Variants in TPST1 observed in about 807,000 individuals in gnomAD.
TPST1 encodes the protein tyrosylprotein sulfotransferase 1, also known as protein-tyrosine sulfotransferase 1.
A neutral mutation model predicts 34.8 loss-of-function variants in TPST1; 20 were observed. That is an observed-to-expected ratio of 0.57 (90% CI 0.40 to 0.84). TPST1 has a LOEUF of 0.84. Among genes scored for constraint, TPST1 ranks in the 40% least tolerant of loss-of-function variants. TPST1 has a pLI of 0.00. For synonymous variants in TPST1, 152 were observed against 159.4 expected, an observed-to-expected ratio of 0.95 and a Z score of 0.35; for missense variants, 353 against 455.5, an observed-to-expected ratio of 0.78 and a Z score of 2.05.
chr7:66,215,980 C>T (rs1219468181), intron 1 of TPST1, among the ~76,000 whole-genome samples: 1 of 151,824 alleles, frequency 6.6e-6, no homozygotes, highest in Non-Finnish European at 1.5e-5. Flanking sequence ...ACCGTGTTAG[C>T]CAGGATGGTC....
At chr7:66,306,271 A>G (rs1211759429) in intron 3 of TPST1, among the ~76,000 whole-genome samples, 1 of 152,218 alleles carries the variant, frequency 6.6e-6, no homozygotes. Flanking sequence ...TGGATTATAC[A>G]TTGTTTTGCC....
At chr7:66,256,313 T>C (rs1790382604) in intron 2 of TPST1, among the ~76,000 whole-genome samples, 1 of 152,242 alleles carries the variant, frequency 6.6e-6, no homozygotes, top group African/African-American at 2.4e-5. Context: ...GTATTCATTT[T>C]CCATTGCTGT....
At chr7:66,276,864 C>G (rs540036867) in intron 2 of TPST1, among the ~76,000 whole-genome samples, 1 of 152,016 alleles carries the variant, frequency 6.6e-6, no homozygotes, top group Non-Finnish European at 1.5e-5. Context: ...TTTAACAACT[C>G]TTTATGGTAT....
rs149729499 is a variant in TPST1, at chr7:66,295,860, C to T, written c.1044+9151C>T. The stretch of plus-strand genomic sequence containing the variant: ...TTCGTTGTGTTGGCCTGGCTGATCT[C>T]AAACTCCTGACCTCAAGTGATCTAC... On this transcript the variant is annotated intron_variant, in intron 3 of 5. Transcript: ENST00000304842. Among the ~76,000 whole-genome samples, 13 of 152,214 alleles carry T rather than the reference C, an allele frequency of 8.5e-5. No homozygotes were observed. The East Asian group carries it at 1.9e-3, about 23-fold the overall frequency.
intron 3 of TPST1, among the ~76,000 whole-genome samples, chr7:66,286,936 G>A (rs1791054472): frequency 1.4e-5 from 2 of 138,472 alleles, no homozygotes; most frequent in African/African-American, 5.4e-5. Flanking sequence ...CATGTGCCAT[G>A]CTGGTGCGCT....
At chr7:66,222,656 G>A (rs1398751403) in intron 1 of TPST1, among the ~76,000 whole-genome samples, 2 of 152,136 alleles carry the variant, frequency 1.3e-5, no homozygotes, top group African/African-American at 4.8e-5. Context: ...GGTACTGGAG[G>A]CAGCACCATG....
chr7:66,311,416 G>A (rs1226990339), intron 3 of TPST1, among the ~76,000 whole-genome samples: 1 of 152,180 alleles, frequency 6.6e-6, no homozygotes, highest in Non-Finnish European at 1.5e-5. Flanking sequence ...TGGGATTACA[G>A]GAGTGAGCCA....
At chr7:66,303,180 C>T (rs1396877011) in intron 3 of TPST1, among the ~76,000 whole-genome samples, 1 of 151,888 alleles carries the variant, frequency 6.6e-6, no homozygotes, top group Non-Finnish European at 1.5e-5. Context: ...AAGGACATGC[C>T]AGACATGCCT....
intron 1 of TPST1, among the ~76,000 whole-genome samples, chr7:66,215,778 T>C (rs1445175302): frequency 5.4e-5 from 8 of 147,622 alleles, no homozygotes; most frequent in African/African-American, 9.9e-5. Context: ...TTTCTTTCTT[T>C]TTTTTTTTTT....
chr7:66,254,878 TG>T (rs1428484579), intron 2 of TPST1, among the ~76,000 whole-genome samples: 1 of 151,960 alleles, frequency 6.6e-6, no homozygotes, highest in Non-Finnish European at 1.5e-5. Context: ...CCAGGCGTGG[TG>T]GCTCACGCCT....
chr7:66,296,674 TGG>T (rs1791205908), intron 3 of TPST1, among the ~76,000 whole-genome samples: 1 of 122,686 alleles, frequency 8.2e-6, no homozygotes, highest in East Asian at 2.2e-4. Flanking sequence ...AATACTGGGT[TGG>T]TTTTTTTTTT....
At chr7:66,279,323 G>T (rs779480816) in intron 2 of TPST1, among the ~76,000 whole-genome samples, 4 of 152,110 alleles carry the variant, frequency 2.6e-5, no homozygotes, top group Non-Finnish European at 5.9e-5. Context: ...TCATCATCCA[G>T]TCCACTGTTG....
chr7:66,216,059 C>G (rs761963491), intron 1 of TPST1, among the ~76,000 whole-genome samples: 3 of 152,130 alleles, frequency 2.0e-5, no homozygotes, highest in Non-Finnish European at 2.9e-5. Flanking sequence ...CCACCGCGCC[C>G]GGCCAATGTC....
At position 66,339,141 on chromosome 7, in the gene TPST1, A is replaced by G. The variant is rs556290375; in HGVS notation, c.1045-13364A>G. Among the ~76,000 whole-genome samples the G allele has an allele frequency of 1.1e-4, 16 of 152,138 alleles. No homozygotes were observed. The East Asian group carries it at 3.1e-3, about 29-fold the overall frequency. ...GGGTGGGGGGAGAGAAGACCCAAAT[A>G]AGCAAAACCAGAGGTGAAAAATGGG... On this transcript the variant is annotated intron_variant, in intron 3 of 5. Coordinates refer to ENST00000304842, the MANE Select transcript of TPST1 (RefSeq NM_003596.4).
intron 3 of TPST1, among the ~76,000 whole-genome samples, chr7:66,344,109 A>G (rs539463690): frequency 1.7e-4 from 26 of 152,320 alleles, no homozygotes; most frequent in Admixed American, 3.3e-4. Context: ...AATAAATGAC[A>G]GAACATGGCG....
chr7:66,268,647 T>C (rs1309278780), intron 2 of TPST1, among the ~76,000 whole-genome samples: 1 of 151,450 alleles, frequency 6.6e-6, no homozygotes, highest in Admixed American at 6.6e-5. Flanking sequence ...TTGATGAAAA[T>C]AAAAGTGAAT....
intron 3 of TPST1, among the ~76,000 whole-genome samples, chr7:66,317,582 C>A (rs898658657): frequency 2.7e-5 from 4 of 150,546 alleles, no homozygotes; most frequent in African/African-American, 9.7e-5. Context: ...AAATTTCATT[C>A]TTTGAGTCTT....
intron 3 of TPST1, among the ~76,000 whole-genome samples, chr7:66,304,955 G>GCAC (rs887815198): frequency 1.6e-4 from 24 of 151,890 alleles, no homozygotes; most frequent in Admixed American, 9.2e-4. Context: ...CTATAGGTGT[G>GCAC]CACCACCACA....
intron 3 of TPST1, among the ~76,000 whole-genome samples, chr7:66,318,262 C>A (rs1443583602): frequency 6.6e-6 from 1 of 152,070 alleles, no homozygotes; most frequent in African/African-American, 2.4e-5. Context: ...CTGATAACTA[C>A]CCTTTTAATG....
Sources: allele counts gnomAD v4.1 joint callset (sites outside exome capture counted in the v4.1 genomes callset), GRCh38; gene constraint gnomAD v4.1.1; transcripts MANE v1.5; gene names NCBI Gene and HGNC (gene_info 2026-07-23, HGNC 2026-07-21).